Variants in ANXA8 observed in about 807,000 individuals in gnomAD.
ANXA8 encodes annexin A8.
ANXA8 carries 9 observed loss-of-function variants against 26.8 expected under a neutral mutation model. That is an observed-to-expected ratio of 0.34 (90% confidence interval 0.20 to 0.59). The LOEUF (loss-of-function observed/expected upper bound fraction) is 0.59, where lower values mean the gene tolerates loss of function less well. ANXA8 is among the 20% of genes least tolerant of loss of function. The pLI, the probability that ANXA8 is intolerant of heterozygous loss-of-function variation, is 0.84. For missense variants in ANXA8, 83 were observed against 238.5 expected (o/e 0.35, Z 4.29); for synonymous variants, 39 against 94.8 (o/e 0.41, Z 3.42).
chr10:47,647,061 C>T, the ANXA8 span, among the ~76,000 whole-genome samples: 2 of 152,222 alleles, frequency 1.3e-5, no homozygotes, highest in South Asian at 4.1e-4. Flanking sequence ...AGGAGATGAG[C>T]ACTGTGTGCT....
At chr10:47,700,046 T>A in the ANXA8 span, among the ~76,000 whole-genome samples, 1 of 151,950 alleles carries the variant, frequency 6.6e-6, no homozygotes, top group Admixed American at 6.6e-5. Flanking sequence ...TGTTCTTGGA[T>A]AGGATGACTC....
chr10:47,666,291 G>A, the ANXA8 span, among the ~76,000 whole-genome samples: 7,121 of 146,590 alleles, frequency 0.049, 477 homozygotes, highest in African/African-American at 0.18. Context: ...TCAAATAAAC[G>A]TTTCAAGATC....
At chr10:47,533,185 T>TCTCA in the ANXA8 span, among the ~76,000 whole-genome samples, 29 of 102,462 alleles carry the variant, frequency 2.8e-4, no homozygotes, top group African/African-American at 1.0e-3. Context: ...TAAACACACA[T>TCTCA]CACACACACA....
the ANXA8 span, among the ~76,000 whole-genome samples, chr10:47,577,279 T>G: frequency 2.8e-5 from 4 of 141,576 alleles, no homozygotes; most frequent in South Asian, 8.9e-4. Context: ...GGCTCATGCC[T>G]GTAACTTCAG....
At chr10:47,938,704 G>T in the ANXA8 span, among the ~76,000 whole-genome samples, 2 of 146,962 alleles carry the variant, frequency 1.4e-5, no homozygotes, top group Middle Eastern at 3.2e-3. Context: ...GGGGCTCTGG[G>T]CCTCCTCCTC....
chr10:47,585,589 G>A, the ANXA8 span, among the ~76,000 whole-genome samples: 302 of 146,530 alleles, frequency 2.1e-3, 22 homozygotes, highest in African/African-American at 7.9e-3. Flanking sequence ...GAGGGGCTGG[G>A]GGTGGGAGAA....
At chr10:47,488,555 T>C (rs1430446683), upstream of ANXA8, among the ~76,000 whole-genome samples, 1 of 151,260 alleles carries the variant, frequency 6.6e-6, no homozygotes, top group Admixed American at 6.6e-5. Context: ...GTTTATCTCC[T>C]AGTAAGTTAA....
the ANXA8 span, among the ~76,000 whole-genome samples, chr10:47,667,725 G>GT: frequency 2.7e-5 from 4 of 148,968 alleles, no homozygotes; most frequent in African/African-American, 5.0e-5. Flanking sequence ...GCCAATTTTT[G>GT]TTTTTTTGTT....
At chr10:47,702,498 G>A in the ANXA8 span, among the ~76,000 whole-genome samples, 29 of 151,158 alleles carry the variant, frequency 1.9e-4, no homozygotes, top group African/African-American at 3.2e-4. Context: ...GTGCCACCAC[G>A]CCCAGATAAT....
At chr10:47,952,107 G>A in the ANXA8 span, among the ~76,000 whole-genome samples, 20 of 150,950 alleles carry the variant, frequency 1.3e-4, 1 homozygote, top group Middle Eastern at 3.4e-3. Context: ...AAACACTGGC[G>A]TAGAAGGGAA....
chr10:47,656,938 C>T, the ANXA8 span, among the ~76,000 whole-genome samples: 1 of 150,162 alleles, frequency 6.7e-6, no homozygotes, highest in African/African-American at 2.5e-5. Context: ...GGAAGTGTTG[C>T]CTGAGTCAGT....
the ANXA8 span, among the ~76,000 whole-genome samples, chr10:47,633,691 T>G: frequency 7.4e-6 from 1 of 135,434 alleles, no homozygotes. Context: ...CAAATATAAC[T>G]TCAACTACAA....
chr10:47,646,750 A>G, the ANXA8 span, among the ~76,000 whole-genome samples: 1 of 151,982 alleles, frequency 6.6e-6, no homozygotes, highest in Non-Finnish European at 1.5e-5. Context: ...CTTCCCTAAA[A>G]TAGCCCCACA....
At chr10:47,966,579 C>T in the ANXA8 span, among the ~76,000 whole-genome samples, 10,196 of 146,262 alleles carry the variant, frequency 0.07, 37 homozygotes, top group African/African-American at 0.25. Context: ...CTCAGACCCA[C>T]GGCTGTAGGC....
chr10:47,525,965 C>T, the ANXA8 span, among the ~76,000 whole-genome samples: 8 of 136,366 alleles, frequency 5.9e-5, 1 homozygote, highest in African/African-American at 1.1e-4. Context: ...TCACCATGCC[C>T]AGCTAATTTT....
At chr10:47,696,043 G>T in the ANXA8 span, among the ~76,000 whole-genome samples, 1 of 151,586 alleles carries the variant, frequency 6.6e-6, no homozygotes, top group African/African-American at 2.4e-5. Context: ...TAGGCACTAC[G>T]GCTTTGGAAC....
chr10:47,958,094 T>G, the ANXA8 span, among the ~76,000 whole-genome samples: 1 of 150,250 alleles, frequency 6.7e-6, no homozygotes, highest in African/African-American at 2.5e-5. Context: ...CTCCAGGATT[T>G]TAATAATAAC....
the ANXA8 span, among the ~76,000 whole-genome samples, chr10:47,772,173 A>C: frequency 4.0e-5 from 6 of 151,632 alleles, no homozygotes; most frequent in Non-Finnish European, 5.9e-5. Context: ...AATGGGGAGA[A>C]ATGGTGTTAC....
At chr10:47,680,345 C>T in the ANXA8 span, among the ~76,000 whole-genome samples, 5 of 151,770 alleles carry the variant, frequency 3.3e-5, no homozygotes, top group East Asian at 1.9e-4. Flanking sequence ...ATCAAAACAT[C>T]GAACTGTGGC....
Sources: allele counts gnomAD v4.1 joint callset (sites outside exome capture counted in the v4.1 genomes callset), GRCh38; gene constraint gnomAD v4.1.1; transcripts MANE v1.5; gene names NCBI Gene and HGNC (gene_info 2026-07-23, HGNC 2026-07-21).